Variants in DDX19B observed in about 807,000 individuals in gnomAD.
DDX19B encodes the protein ATP-dependent RNA helicase DDX19B.
In DDX19B, 27 loss-of-function variants were observed where a neutral mutation model predicts 58.1. The observed-to-expected ratio is 0.46, with a 90% CI of 0.34 to 0.64. The LOEUF is 0.64. DDX19B is among the 30% of genes least tolerant of loss of function. The probability of loss-of-function intolerance (pLI) is 0.01; values close to 1 mark genes in which losing one functional copy is unlikely to be tolerated. For missense variants in DDX19B, 399 were observed against 596.5 expected (o/e 0.67, Z 3.45); for synonymous variants, 187 against 214.4 (o/e 0.87, Z 1.12).
chr16:70,333,929 T>C lies in DDX19B; in HGVS notation c.*347T>C, dbSNP rs922556738. ...CCTGTGGCAGCCTCTGCTTGTTCTC[T>C]GGCTTGGAGTGGATGGGGCAGCCTC... On this transcript the variant is annotated 3_prime_UTR_variant, in exon 12 of 12. Transcript: ENST00000288071. 2 of 371,002 alleles carry C rather than the reference T, an allele frequency of 5.4e-6. No homozygotes were observed. Among genetic ancestry groups the C allele is most frequent in the East Asian group, 6.2e-5 (1 of 16,062 alleles). 23.0% of individuals were successfully genotyped at this position (371,002 alleles called of 1,614,324 possible).
upstream of DDX19B, among the ~76,000 whole-genome samples, chr16:70,294,405 T>C (rs1454052909): frequency 6.6e-6 from 1 of 152,114 alleles, no homozygotes; most frequent in Non-Finnish European, 1.5e-5. Context: ...TTAACAGGCT[T>C]CAGGCGATAT....
intron 1 of DDX19B, among the ~76,000 whole-genome samples, chr16:70,303,423 G>T (rs1445988331): frequency 1.3e-5 from 2 of 152,080 alleles, no homozygotes; most frequent in Non-Finnish European, 2.9e-5. Flanking sequence ...TGCTGAGATG[G>T]ATTACAGGCA....
At position 70,312,640 on chromosome 16, in the gene DDX19B, T is replaced by A; in HGVS notation, c.89T>A (p.Ile30Asn). Reference sequence around the variant, plus strand: ...AACTTGCATCTTAAGGAAGAGAAAATCAAACCAGATACCAATGGTAAGTAA... The same window carrying A: ...AACTTGCATCTTAAGGAAGAGAAAAACAAACCAGATACCAATGGTAAGTAA... ...LSNLHLKEEK[I>N]KPDTNGAVVK... The change falls in exon 2 of 12, where the codon ATC becomes AAC. Residue 30 changes from isoleucine to asparagine, a missense_variant. This residue lies in a region of DDX19B where 132 missense variants were observed against 159.4 expected (regional missense o/e 0.83). Transcript: ENST00000288071. The A allele has an allele frequency of 6.2e-7, 1 of 1,612,486 alleles. No homozygotes were observed. Among genetic ancestry groups the A allele is most frequent in the Non-Finnish European group, 8.5e-7 (1 of 1,178,922 alleles).
Position 70,317,598 on chromosome 16 carries a change from C to G in DDX19B, c.389+10C>G. 2 of 1,594,388 alleles carry G rather than the reference C, an allele frequency of 1.3e-6. No homozygotes were observed. Among genetic ancestry groups the G allele is most frequent in the Non-Finnish European group, 1.7e-6 (2 of 1,167,160 alleles). On this transcript the variant is annotated intron_variant, in intron 5 of 11. Coordinates refer to ENST00000288071, the MANE Select transcript of DDX19B (RefSeq NM_007242.7). ...TGATGCTTGCTGAGCCGTATGTGTC[C>G]TATTACAACTCCATTTCATTTTAGA...
At chr16:70,305,125 G>A (rs1460162733) in intron 1 of DDX19B, among the ~76,000 whole-genome samples, 1 of 152,178 alleles carries the variant, frequency 6.6e-6, no homozygotes, top group Non-Finnish European at 1.5e-5. Flanking sequence ...CATGAGTGGG[G>A]CTTGTCTATT....
intron 7 of DDX19B, 75 bp downstream of exon 7, chr16:70,325,763 AGTTG>A: frequency 9.3e-7 from 1 of 1,075,910 alleles, no homozygotes; most frequent in Non-Finnish European, 1.4e-6. Flanking sequence ...CCCACCCAAT[AGTTG>A]AAATAATACA....
chr16:70,314,772 G>A, intron 2 of DDX19B, 130 bp from the exon 3 acceptor site: 1 of 846,664 alleles, frequency 1.2e-6, no homozygotes. Flanking sequence ...TTTATCAGCG[G>A]CTCGGTTTCC....
rs1963642290 is a variant in DDX19B at position 70,334,866 on chromosome 16, G to A, written c.*1284G>A. 2.0e-5 allele frequency: 3 copies of A among 152,224 alleles called. No individual in the cohort carries two copies. The highest frequency in any genetic ancestry group is 7.2e-5 in the African/African-American group (3 of 41,448). 9.4% of individuals were successfully genotyped at this position (152,224 alleles called of 1,614,324 possible). A position where few individuals can be genotyped will look rare whatever the true frequency, so the allele number is the denominator to read the frequency against. On this transcript the variant is annotated 3_prime_UTR_variant, in exon 12 of 12. Coordinates refer to ENST00000288071, the MANE Select transcript of DDX19B (RefSeq NM_007242.7). ...GATGAGAGGAAACTGAATTGCAAGA[G>A]CAATATGAAACCCCAACCAAGAGGA...
At chr16:70,291,531 T>G (rs1961061154), upstream of DDX19B, among the ~76,000 whole-genome samples, 1 of 152,156 alleles carries the variant, frequency 6.6e-6, no homozygotes, top group South Asian at 2.1e-4. Flanking sequence ...TTTTTTGGCC[T>G]AGCGTGGTGA....
chr16:70,291,422 A>G (rs1223959618), upstream of DDX19B, among the ~76,000 whole-genome samples: 1 of 152,198 alleles, frequency 6.6e-6, no homozygotes, highest in Non-Finnish European at 1.5e-5. Context: ...TCAGAATAAA[A>G]TAATACAGGT....
At chr16:70,329,222 CAAAAAAA>C (rs531084597) in intron 7 of DDX19B, 63 bp from the exon 8 acceptor site, 51 of 1,257,972 alleles carry the variant, frequency 4.1e-5, no homozygotes, top group East Asian at 2.0e-4. Flanking sequence ...GACTCTGTCT[CAAAAAAA>C]AAAAAAAAAA....
At chr16:70,323,125 C>T (rs1323130451) in intron 5 of DDX19B, among the ~76,000 whole-genome samples, 1 of 152,030 alleles carries the variant, frequency 6.6e-6, no homozygotes, top group African/African-American at 2.4e-5. Flanking sequence ...CAGGGTCTTG[C>T]TCTGTCACCA....
At chr16:70,291,811 A>G (rs1053817088), upstream of DDX19B, among the ~76,000 whole-genome samples, 3 of 151,458 alleles carry the variant, frequency 2.0e-5, no homozygotes, top group Admixed American at 2.0e-4. Context: ...ACTTTGTCTC[A>G]AAATAAATAA....
intron 1 of DDX19B, among the ~76,000 whole-genome samples, chr16:70,305,425 G>GTAAA (rs1220513191): frequency 6.6e-6 from 1 of 152,166 alleles, no homozygotes; most frequent in African/African-American, 2.4e-5. Context: ...TGTTAACTGA[G>GTAAA]TAAATGAACT....
At chr16:70,297,997 A>G (rs1202931319), upstream of DDX19B, among the ~76,000 whole-genome samples, 1 of 152,090 alleles carries the variant, frequency 6.6e-6, no homozygotes, top group Non-Finnish European at 1.5e-5. Flanking sequence ...AGGATTACAC[A>G]TGTGAGCTAC....
chr16:70,306,755 A>T (rs1961774077), intron 1 of DDX19B, among the ~76,000 whole-genome samples: 1 of 152,222 alleles, frequency 6.6e-6, no homozygotes, highest in South Asian at 2.1e-4. Context: ...GGTGAGATTA[A>T]AGTGTACAGT....
chr16:70,294,788 G>A (rs761363062), upstream of DDX19B: 15 of 1,359,366 alleles, frequency 1.1e-5, no homozygotes, highest in African/African-American at 5.9e-5. Context: ...ATGAGGCTCC[G>A]GCTTGGCCAG....
In DDX19B at chr16:70,333,841, A is replaced by C. The variant is rs370932426; in HGVS notation, c.*259A>C. ...TTACCTTTTGGAAGTTTCATCTTTT[A>C]ATTTGGCCAGTGTTTCCTTCATGCT... On this transcript the variant is annotated 3_prime_UTR_variant, in exon 12 of 12. Coordinates refer to ENST00000288071, the MANE Select transcript of DDX19B (RefSeq NM_007242.7). 5.0e-5 allele frequency: 29 copies of C among 579,412 alleles called. 1 individual carries two copies. The highest frequency in any genetic ancestry group is 9.6e-4 in the Middle Eastern group (2 of 2,074). 35.9% of individuals were successfully genotyped at this position (579,412 alleles called of 1,614,324 possible).
Position 70,324,621 on chromosome 16 carries a change from T to C in DDX19B, c.426T>C (p.Thr142=), listed in dbSNP as rs1963044517. The stretch of plus-strand genomic sequence containing the variant: ...TAATTGCCCAATCTCAGTCTGGTAC[T>C]GGTAAAACAGCTGCCTTCGTGCTGG... The part of the protein sequence containing the change: ...QNLIAQSQSG[T]GKTAAFVLAM... Residue 142 remains threonine, a synonymous_variant, in exon 6 of 12, where the codon ACT becomes ACC. Transcript: ENST00000288071. 6.2e-7 allele frequency: 1 copy of C among 1,613,868 alleles called. No individual in the cohort carries two copies. The highest frequency in any genetic ancestry group is 8.5e-7 in the Non-Finnish European group (1 of 1,179,990).
Sources: allele counts gnomAD v4.1 joint callset (sites outside exome capture counted in the v4.1 genomes callset), GRCh38; gene constraint gnomAD v4.1.1; regional missense constraint gnomAD v4.1.1; transcripts MANE v1.5; gene names NCBI Gene and HGNC (gene_info 2026-07-23, HGNC 2026-07-21).